The following ME3 variants were observed in gnomAD, a reference collection of about 807,000 sequenced individuals.
ME3 encodes the protein NADP-dependent malic enzyme, mitochondrial.
ME3 carries 48 observed loss-of-function variants against 68.9 expected under a neutral mutation model. The ratio of observed to expected loss-of-function variants is 0.70; its 90% CI spans 0.55 to 0.89. The LOEUF (loss-of-function observed/expected upper bound fraction) is 0.89, where lower values mean the gene tolerates loss of function less well. Among genes scored for constraint, ME3 ranks in the 40% least tolerant of loss-of-function variants. ME3 has a pLI of 0.00. For synonymous variants in ME3, 320 were observed against 318.8 expected (o/e 1.00, Z -0.04); for missense variants, 675 against 797.4 (o/e 0.85, Z 1.85).
chr11:86,647,379 G>A (rs1945088096), intron 2 of ME3, among the ~76,000 whole-genome samples: 1 of 152,028 alleles, frequency 6.6e-6, no homozygotes, highest in Non-Finnish European at 1.5e-5. Context: ...CAGCTACTCG[G>A]GAGGCTGAGG....
At chr11:86,496,044 A>G (rs528217174) in intron 6 of ME3, among the ~76,000 whole-genome samples, 1 of 152,276 alleles carries the variant, frequency 6.6e-6, no homozygotes, top group South Asian at 2.1e-4. Context: ...ATTTGATCAT[A>G]TCTGCAGATG....
At chr11:86,470,631 G>C (rs1594084531) in intron 7 of ME3, among the ~76,000 whole-genome samples, 1 of 152,198 alleles carries the variant, frequency 6.6e-6, no homozygotes, top group South Asian at 2.1e-4. Flanking sequence ...TATTTGACCA[G>C]ACACCTTACT....
chr11:86,470,811 C>T (rs1950740230), intron 7 of ME3, among the ~76,000 whole-genome samples: 1 of 152,012 alleles, frequency 6.6e-6, no homozygotes, highest in African/African-American at 2.4e-5. Context: ...CTGATTTCAC[C>T]TCCTTCAAGT....
intron 2 of ME3, among the ~76,000 whole-genome samples, chr11:86,624,876 G>A (rs1232236285): frequency 2.6e-5 from 4 of 152,172 alleles, no homozygotes; most frequent in Non-Finnish European, 5.9e-5. Flanking sequence ...GAGAAGAACA[G>A]TATTGCAAAA....
At chr11:86,621,766 A>G (rs1943363424) in intron 2 of ME3, among the ~76,000 whole-genome samples, 1 of 152,026 alleles carries the variant, frequency 6.6e-6, no homozygotes, top group Admixed American at 6.6e-5. Flanking sequence ...TCATAATTAC[A>G]ATCGAGGTTG....
chr11:86,608,653 A>G (rs966402848), intron 2 of ME3, among the ~76,000 whole-genome samples: 5 of 152,204 alleles, frequency 3.3e-5, no homozygotes, highest in Non-Finnish European at 7.4e-5. Flanking sequence ...ACAAGGAGTT[A>G]TCGGTTCTTT....
chr11:86,444,525 G>T (rs1203110353), intron 13 of ME3, among the ~76,000 whole-genome samples: 4 of 152,156 alleles, frequency 2.6e-5, no homozygotes, highest in African/African-American at 9.7e-5. Context: ...GATTTCCATG[G>T]CTAGATATGC....
At chr11:86,540,083 G>A (rs918830129) in intron 4 of ME3, among the ~76,000 whole-genome samples, 6 of 152,208 alleles carry the variant, frequency 3.9e-5, no homozygotes, top group African/African-American at 1.4e-4. Context: ...GAATCTGGAA[G>A]TGGCCAACCC....
chr11:86,520,291 A>G (rs959125564), intron 4 of ME3, among the ~76,000 whole-genome samples: 6 of 152,190 alleles, frequency 3.9e-5, no homozygotes, highest in African/African-American at 9.6e-5. Flanking sequence ...GGGTTCCTCA[A>G]TTTCCCACAC....
At chr11:86,567,051 C>G (rs1957517898) in intron 2 of ME3, among the ~76,000 whole-genome samples, 1 of 151,994 alleles carries the variant, frequency 6.6e-6, no homozygotes, top group Admixed American at 6.6e-5. Context: ...AACCCCATCT[C>G]TACTAAAAAT....
intron 8 of ME3, among the ~76,000 whole-genome samples, chr11:86,450,724 C>A (rs1821342588): frequency 6.6e-6 from 1 of 152,132 alleles, no homozygotes; most frequent in African/African-American, 2.4e-5. Flanking sequence ...GCATGAGCCT[C>A]ATAGAATTAT....
intron 2 of ME3, among the ~76,000 whole-genome samples, chr11:86,661,674 A>G (rs12361283): frequency 0.39 from 58,729 of 151,880 alleles, 12,465 homozygotes; most frequent in Non-Finnish European, 0.47. Context: ...AGCCTTGCCA[A>G]CACTGCCATT....
intron 2 of ME3, among the ~76,000 whole-genome samples, chr11:86,650,892 A>C (rs542299883): frequency 6.6e-6 from 1 of 152,302 alleles, no homozygotes; most frequent in African/African-American, 2.4e-5. Flanking sequence ...GGTCATTCCC[A>C]CCCTAATACT....
intron 3 of ME3, among the ~76,000 whole-genome samples, chr11:86,559,473 C>T (rs1330737508): frequency 1.3e-5 from 2 of 152,160 alleles, no homozygotes; most frequent in African/African-American, 4.8e-5. Flanking sequence ...GTTTCCCTTC[C>T]CATTTCCCCC....
chr11:86,664,519 C>T (rs1946473753), intron 2 of ME3, among the ~76,000 whole-genome samples: 1 of 152,148 alleles, frequency 6.6e-6, no homozygotes, highest in Admixed American at 6.5e-5. Flanking sequence ...CCAGGAACAG[C>T]AAATCTCCCT....
At chr11:86,479,419 A>C (rs1386075720) in intron 7 of ME3, among the ~76,000 whole-genome samples, 2 of 152,168 alleles carry the variant, frequency 1.3e-5, no homozygotes, top group African/African-American at 4.8e-5. Flanking sequence ...TGGTTCTGTT[A>C]CTCTGGAGAA....
intron 2 of ME3, among the ~76,000 whole-genome samples, chr11:86,634,720 T>C (rs1400692784): frequency 4.6e-5 from 7 of 152,316 alleles, no homozygotes; most frequent in Middle Eastern, 3.4e-3. Context: ...TGTTTCATTC[T>C]GAAAATAAAA....
intron 4 of ME3, among the ~76,000 whole-genome samples, chr11:86,509,756 CAAAAA>C (rs5793200): frequency 2.0e-5 from 2 of 102,504 alleles, no homozygotes; most frequent in Admixed American, 1.0e-4. Context: ...GGGGGATTGG[CAAAAA>C]AAAAAAAAAA....
intron 2 of ME3, 180 bp downstream of exon 2, chr11:86,671,582 T>G: frequency 4.5e-6 from 3 of 670,746 alleles, no homozygotes; most frequent in Middle Eastern, 3.8e-4. Flanking sequence ...TCTCCACGCA[T>G]AAAAGGGAGA....
Sources: allele counts gnomAD v4.1 joint callset (sites outside exome capture counted in the v4.1 genomes callset), GRCh38; gene constraint gnomAD v4.1.1; transcripts MANE v1.5; gene names NCBI Gene and HGNC (gene_info 2026-07-23, HGNC 2026-07-21).